Variants in KIAA0825 observed in about 807,000 individuals in gnomAD.
KIAA0825 encodes the protein uncharacterized protein KIAA0825.
Under a neutral mutation model 147.6 loss-of-function variants are expected in KIAA0825, and 119 were observed. That is an observed-to-expected ratio of 0.81 (90% confidence interval 0.69 to 0.94). KIAA0825 has a LOEUF of 0.94. KIAA0825 is among the 40% of genes least tolerant of loss of function. The probability of loss-of-function intolerance (pLI) is 0.00; values close to 1 mark genes in which losing one functional copy is unlikely to be tolerated. For missense variants in KIAA0825, 1,381 were observed against 1,472.7 expected (o/e 0.94, Z 1.02); for synonymous variants, 470 against 518.1 (o/e 0.91, Z 1.26).
chr5:94,231,236 T>A (rs112463961), intron 20 of KIAA0825, among the ~76,000 whole-genome samples: 5 of 152,244 alleles, frequency 3.3e-5, no homozygotes, highest in African/African-American at 1.2e-4. Context: ...GGCATCAAGG[T>A]ACATCTTGGT....
intron 20 of KIAA0825, among the ~76,000 whole-genome samples, chr5:94,247,217 T>C (rs1165743615): frequency 1.3e-5 from 2 of 152,164 alleles, no homozygotes; most frequent in Non-Finnish European, 2.9e-5. Context: ...TATCTTTGAA[T>C]GTGGTAGTTT....
At chr5:94,334,992 C>A (rs1781660423) in intron 20 of KIAA0825, among the ~76,000 whole-genome samples, 1 of 152,170 alleles carries the variant, frequency 6.6e-6, no homozygotes, top group South Asian at 2.1e-4. Flanking sequence ...CAGGGACTTA[C>A]ACAGATATTA....
rs139355328 is a variant in KIAA0825, at chr5:94,574,458, C to T, written c.-2+7975G>A. Reference sequence around the variant, plus strand: ...ACTCAGGAGGCTGAGGCAGGAGCATCGCGTGAACCCGGGATGGGGAGGTTG... The same window carrying T: ...ACTCAGGAGGCTGAGGCAGGAGCATTGCGTGAACCCGGGATGGGGAGGTTG... On this transcript the variant is annotated intron_variant, in intron 2 of 20. Transcript: ENST00000682413. Among the ~76,000 whole-genome samples, 95 of 144,288 alleles carry T rather than the reference C, an allele frequency of 6.6e-4. 2 individuals carry two copies. The East Asian group carries it at 0.018, about 27-fold the overall frequency. The allele number at this position is 144,288 out of a possible 152,430, so 94.7% of individuals were successfully genotyped here.
intron 13 of KIAA0825, among the ~76,000 whole-genome samples, chr5:94,451,820 C>T (rs1295145971): frequency 6.6e-6 from 1 of 152,080 alleles, no homozygotes; most frequent in Non-Finnish European, 1.5e-5. Context: ...GTGATAATAA[C>T]ATGGAGAACA....
At chr5:94,154,381 G>C (rs944282629) in intron 20 of KIAA0825, among the ~76,000 whole-genome samples, 13 of 152,088 alleles carry the variant, frequency 8.5e-5, no homozygotes, top group Admixed American at 2.0e-4. Context: ...TTTCAAATGA[G>C]GTTTCTGTAT....
intron 20 of KIAA0825, among the ~76,000 whole-genome samples, chr5:94,289,475 C>T (rs1777793129): frequency 6.9e-6 from 1 of 145,772 alleles, no homozygotes; most frequent in South Asian, 2.2e-4. Context: ...ACAGAGGTTG[C>T]AGTGAGCCGA....
intron 2 of KIAA0825, among the ~76,000 whole-genome samples, chr5:94,579,029 C>T (rs1781575362): frequency 6.6e-6 from 1 of 152,166 alleles, no homozygotes; most frequent in Non-Finnish European, 1.5e-5. Context: ...AAGCGATTCT[C>T]CTGCCTCAGC....
intron 20 of KIAA0825, among the ~76,000 whole-genome samples, chr5:94,245,777 G>T (rs772528412): frequency 6.6e-6 from 1 of 152,130 alleles, no homozygotes; most frequent in Non-Finnish European, 1.5e-5. Flanking sequence ...TACCCTCATG[G>T]AATCACCTTT....
chr5:94,562,664 A>G (rs571457520), intron 2 of KIAA0825, among the ~76,000 whole-genome samples: 170 of 152,348 alleles, frequency 1.1e-3, no homozygotes, highest in African/African-American at 4.0e-3. Context: ...CTCTACAGTT[A>G]AGCATGCATT....
intron 20 of KIAA0825, among the ~76,000 whole-genome samples, chr5:94,170,726 G>C (rs1314857792): frequency 6.6e-6 from 1 of 152,142 alleles, no homozygotes; most frequent in Non-Finnish European, 1.5e-5. Flanking sequence ...CAATGTTGGG[G>C]GATTATGGGG....
intron 13 of KIAA0825, among the ~76,000 whole-genome samples, chr5:94,443,255 A>G (rs1757313053): frequency 1.3e-5 from 2 of 152,020 alleles, no homozygotes. Flanking sequence ...CATATGGAGA[A>G]GCATATGTTC....
At chr5:94,344,633 A>C (rs1782791567) in intron 20 of KIAA0825, among the ~76,000 whole-genome samples, 1 of 152,222 alleles carries the variant, frequency 6.6e-6, no homozygotes, top group African/African-American at 2.4e-5. Flanking sequence ...TTCATAATAG[A>C]CCAAAGGTAG....
At chr5:94,281,450 G>C (rs952481840) in intron 20 of KIAA0825, among the ~76,000 whole-genome samples, 4 of 152,080 alleles carry the variant, frequency 2.6e-5, no homozygotes, top group African/African-American at 9.7e-5. Context: ...TGATGGCCCA[G>C]GCCCTGCACC....
chr5:94,483,598 T>G (rs576713081), intron 6 of KIAA0825, among the ~76,000 whole-genome samples: 33 of 151,874 alleles, frequency 2.2e-4, no homozygotes, highest in African/African-American at 3.9e-4. Flanking sequence ...GGGTTTTTTT[T>G]GGGGTTGGCT....
chr5:94,151,163 A>G lies in KIAA0825; in HGVS notation c.*2844T>C. 6.6e-6 allele frequency among the ~76,000 whole-genome samples: 1 copy of G among 151,204 alleles called. No homozygotes were observed. Among genetic ancestry groups the G allele is most frequent in the Non-Finnish European group, 1.5e-5 (1 of 67,786 alleles). On this transcript the variant is annotated 3_prime_UTR_variant, in exon 21 of 21. Transcript: ENST00000682413. ...CCGGGCGCGGTGGCTCACGCCTGTA[A>G]TCCCAGCACTTTGGGAGGCCGAGGC...
chr5:94,176,247 G>A (rs1373974180), intron 20 of KIAA0825, among the ~76,000 whole-genome samples: 2 of 152,040 alleles, frequency 1.3e-5, no homozygotes, highest in African/African-American at 4.8e-5. Context: ...TGGCCTCCCT[G>A]GTTTCTCTCT....
At chr5:94,416,349 C>CA (rs1753459870) in intron 15 of KIAA0825, 1 of 152,026 alleles carries the variant, frequency 6.6e-6, no homozygotes, top group South Asian at 2.1e-4. Flanking sequence ...GGAGTGAAAC[C>CA]ATGATTATGA....
At position 94,151,423 on chromosome 5, in the gene KIAA0825, C is replaced by CAAA. The variant is rs11363132; in HGVS notation, c.*2581_*2583dup. 7.2e-3 allele frequency among the ~76,000 whole-genome samples: 155 copies of CAAA among 21,538 alleles called. 10 individuals carry two copies. The highest frequency in any genetic ancestry group is 9.3e-3 in the Non-Finnish European group (102 of 10,922). 14.1% of individuals were successfully genotyped at this position (21,538 alleles called of 152,430 possible). On this transcript the variant is annotated 3_prime_UTR_variant, in exon 21 of 21. Transcript: ENST00000682413. ...TGGGCGACAGAGCGAGACTCCGTCT[C>CAAA]AAAAAAAAAAAAAAAAAAAAAAAAA...
At position 94,174,842 on chromosome 5, in the gene KIAA0825, T is replaced by C. The variant is rs543945934; in HGVS notation, c.3711-20718A>G. ...CAGCAAGAATACCCTTTAATACTTA[T>C]GGATTTTTTTTCAAATTTAAACATC... On this transcript the variant is annotated intron_variant, in intron 20 of 20. Transcript: ENST00000682413. 5.3e-5 allele frequency among the ~76,000 whole-genome samples: 8 copies of C among 152,276 alleles called. No individual in the cohort carries two copies. In the South Asian group the frequency reaches 6.2e-4, roughly 12 times the overall value.
Sources: allele counts gnomAD v4.1 joint callset (sites outside exome capture counted in the v4.1 genomes callset), GRCh38; gene constraint gnomAD v4.1.1; transcripts MANE v1.5; gene names NCBI Gene and HGNC (gene_info 2026-07-23, HGNC 2026-07-21).